The following TRPM3 variants were observed in gnomAD, a reference collection of about 807,000 sequenced individuals.
The protein encoded by TRPM3 is long transient receptor potential channel 3.
TRPM3 carries 77 observed loss-of-function variants against 181.2 expected under a neutral mutation model. That is an observed-to-expected ratio of 0.42 (90% CI 0.35 to 0.51). The LOEUF is 0.51. Among genes scored for constraint, TRPM3 ranks in the 20% least tolerant of loss-of-function variants. The pLI is 0.01. For synonymous variants in TRPM3, 745 were observed against 796.4 expected (o/e 0.94, Z 1.09); for missense variants, 1,759 against 2,196.7 (o/e 0.80, Z 3.98).
At chr9:71,192,856 CT>C (rs2078117100) in intron 1 of TRPM3, among the ~76,000 whole-genome samples, 1 of 151,780 alleles carries the variant, frequency 6.6e-6, no homozygotes, top group Non-Finnish European at 1.5e-5. Context: ...GAATTTCCCC[CT>C]ATGTTTTCTT....
At chr9:71,425,340 T>G (rs1336630209) in intron 1 of TRPM3, among the ~76,000 whole-genome samples, 1 of 152,146 alleles carries the variant, frequency 6.6e-6, no homozygotes, top group Non-Finnish European at 1.5e-5. Flanking sequence ...AAAATCAGCA[T>G]GTTCAAAACT....
At chr9:70,673,111 G>T (rs376113248) in intron 9 of TRPM3, among the ~76,000 whole-genome samples, 1 of 152,082 alleles carries the variant, frequency 6.6e-6, no homozygotes, top group Non-Finnish European at 1.5e-5. Flanking sequence ...ACTATCTTGA[G>T]TATCTTTCAC....
At chr9:70,627,265 CTTTTTTTTT>C (rs1175860330) in intron 12 of TRPM3, among the ~76,000 whole-genome samples, 1 of 79,544 alleles carries the variant, frequency 1.3e-5, no homozygotes, top group East Asian at 4.7e-4. Context: ...TCCATTGCTG[CTTTTTTTTT>C]TTTTTTTTTT....
intron 6 of TRPM3, among the ~76,000 whole-genome samples, chr9:70,787,062 C>T (rs1324357141): frequency 1.3e-5 from 2 of 152,132 alleles, no homozygotes; most frequent in African/African-American, 4.8e-5. Context: ...AATGAAAAGA[C>T]CAAATCTCAT....
intron 1 of TRPM3, among the ~76,000 whole-genome samples, chr9:71,412,255 A>C (rs535939398): frequency 1.3e-5 from 2 of 152,332 alleles, no homozygotes; most frequent in African/African-American, 4.8e-5. Context: ...AATGGGATCT[A>C]ATTAAACTAA....
At chr9:70,998,265 ATT>A (rs5898174) in intron 1 of TRPM3, among the ~76,000 whole-genome samples, 6 of 145,872 alleles carry the variant, frequency 4.1e-5, no homozygotes, top group African/African-American at 7.6e-5. Context: ...ATATATATAT[ATT>A]TTTTTTAGTA....
intron 1 of TRPM3, among the ~76,000 whole-genome samples, chr9:71,395,513 C>T (rs2093169400): frequency 6.6e-6 from 1 of 152,164 alleles, no homozygotes; most frequent in South Asian, 2.1e-4. Context: ...TGGAGCTGCC[C>T]TGTGGAAGAG....
At chr9:71,046,607 G>T (rs57502310) in intron 1 of TRPM3, among the ~76,000 whole-genome samples, 30,388 of 151,848 alleles carry the variant, frequency 0.2, 3,275 homozygotes, top group African/African-American at 0.27. Flanking sequence ...TATCCTCCCC[G>T]ACCTATCACC....
intron 1 of TRPM3, among the ~76,000 whole-genome samples, chr9:71,178,318 T>A (rs1470902172): frequency 1.3e-5 from 2 of 152,128 alleles, no homozygotes; most frequent in Non-Finnish European, 2.9e-5. Context: ...CATAAATATT[T>A]TCCATAGTAT....
intron 1 of TRPM3, among the ~76,000 whole-genome samples, chr9:71,342,825 A>G (rs960425105): frequency 6.6e-6 from 1 of 152,144 alleles, no homozygotes; most frequent in Non-Finnish European, 1.5e-5. Context: ...ATGTCTTTTA[A>G]TAAGTGAATT....
chr9:70,573,708 C>T (rs2053088223), intron 22 of TRPM3, among the ~76,000 whole-genome samples: 1 of 152,096 alleles, frequency 6.6e-6, no homozygotes, highest in Non-Finnish European at 1.5e-5. Context: ...CCTTGAATTT[C>T]CAAGGTAAAG....
intron 1 of TRPM3, among the ~76,000 whole-genome samples, chr9:71,446,212 G>A (rs1225675313): frequency 6.6e-6 from 1 of 152,172 alleles, no homozygotes; most frequent in Non-Finnish European, 1.5e-5. Context: ...GATGGAAAGA[G>A]CAAGTGCTAA....
intron 1 of TRPM3, among the ~76,000 whole-genome samples, chr9:71,263,131 T>A (rs994882686): frequency 1.3e-5 from 2 of 151,034 alleles, no homozygotes; most frequent in Admixed American, 1.3e-4. Context: ...ATTTTTAAGT[T>A]TTTTGTCTTT....
chr9:70,595,858 A>G (rs1484451277), intron 21 of TRPM3, among the ~76,000 whole-genome samples: 1 of 152,146 alleles, frequency 6.6e-6, no homozygotes, highest in Non-Finnish European at 1.5e-5. Flanking sequence ...TAGTCAAAAA[A>G]TCCCCAATTG....
chr9:70,937,619 A>G (rs67149721), intron 1 of TRPM3, among the ~76,000 whole-genome samples: 14,828 of 152,184 alleles, frequency 0.097, 857 homozygotes, highest in African/African-American at 0.16. Context: ...TAGGTAAGTA[A>G]CTTGTATTTC....
chr9:70,986,907 T>C (rs893896605), intron 1 of TRPM3, among the ~76,000 whole-genome samples: 10 of 151,846 alleles, frequency 6.6e-5, no homozygotes, highest in Non-Finnish European at 5.9e-5. Context: ...TAGAACTTTC[T>C]AGGTGATGGA....
intron 1 of TRPM3, among the ~76,000 whole-genome samples, chr9:71,387,089 C>G (rs951984151): frequency 2.6e-5 from 4 of 151,930 alleles, no homozygotes; most frequent in African/African-American, 9.7e-5. Flanking sequence ...GGGAAAGAGA[C>G]CGAGTATGAA....
At chr9:70,954,885 G>A (rs895140013) in intron 1 of TRPM3, among the ~76,000 whole-genome samples, 35 of 152,060 alleles carry the variant, frequency 2.3e-4, no homozygotes, top group African/African-American at 7.5e-4. Flanking sequence ...CAGGAGATCT[G>A]GAAAGCAGAA....
chr9:71,136,385 T>C (rs1374862542), intron 1 of TRPM3, among the ~76,000 whole-genome samples: 1 of 152,190 alleles, frequency 6.6e-6, no homozygotes, highest in Admixed American at 6.5e-5. Flanking sequence ...ACATCAAACA[T>C]GGACACTCCA....
Sources: gnomAD v4.1 joint callset for allele counts (sites outside exome capture counted in the v4.1 genomes callset) on GRCh38, gnomAD v4.1.1 for gene constraint, MANE v1.5 for transcripts, NCBI Gene and HGNC (gene_info 2026-07-23, HGNC 2026-07-21) for gene names.